Variants in DPP6 observed in about 807,000 individuals in gnomAD.
DPP6 encodes the protein A-type potassium channel modulatory protein DPP6.
A neutral mutation model predicts 122.6 loss-of-function variants in DPP6; 69 were observed. The observed-to-expected ratio is 0.56, with a 90% CI of 0.46 to 0.69. The LOEUF (loss-of-function observed/expected upper bound fraction) is 0.69, where lower values mean the gene tolerates loss of function less well. Among genes scored for constraint, DPP6 ranks in the 30% least tolerant of loss-of-function variants. The pLI, the probability that DPP6 is intolerant of heterozygous loss-of-function variation, is 0.00. For synonymous variants in DPP6, 418 were observed against 433.1 expected, an observed-to-expected ratio of 0.97 and a Z score of 0.43; for missense variants, 928 against 1,116.9, an observed-to-expected ratio of 0.83 and a Z score of 2.41.
At chr7:154,698,220 T>A (rs1033425421) in intron 7 of DPP6, among the ~76,000 whole-genome samples, 1 of 152,204 alleles carries the variant, frequency 6.6e-6, no homozygotes, top group African/African-American at 2.4e-5. Context: ...AACATAATTT[T>A]CATAGTTACA....
chr7:154,468,757 G>A (rs1486025622), intron 2 of DPP6, among the ~76,000 whole-genome samples: 1 of 152,124 alleles, frequency 6.6e-6, no homozygotes. Context: ...TGATGACTTA[G>A]TTTCTACCAT....
intron 20 of DPP6, among the ~76,000 whole-genome samples, chr7:154,879,804 G>A (rs1405720025): frequency 6.6e-6 from 1 of 152,150 alleles, no homozygotes; most frequent in Non-Finnish European, 1.5e-5. Context: ...CCTTTGCCTG[G>A]TCACTATGCT....
At chr7:154,214,926 A>G (rs1056916081) in intron 1 of DPP6, among the ~76,000 whole-genome samples, 1 of 151,980 alleles carries the variant, frequency 6.6e-6, no homozygotes, top group Non-Finnish European at 1.5e-5. Context: ...TCAAAACAAA[A>G]TATGTGTCTT....
intron 2 of DPP6, among the ~76,000 whole-genome samples, chr7:154,473,660 A>G (rs1822480670): frequency 6.6e-6 from 1 of 152,242 alleles, no homozygotes. Context: ...ATGTAATCCT[A>G]ACAGAATTTC....
At chr7:153,749,424 C>G in the DPP6 span, among the ~76,000 whole-genome samples, 1 of 152,102 alleles carries the variant, frequency 6.6e-6, no homozygotes, top group Non-Finnish European at 1.5e-5. This position sits in a 1 kb window ranked among gnomAD's most constrained non-coding sequence, Gnocchi z 4.1. Flanking sequence ...GGAGCTCTTT[C>G]CCGGGAAGCG....
the DPP6 span, among the ~76,000 whole-genome samples, chr7:153,812,049 A>ACTTCATCTCTGTTCCC: frequency 6.6e-6 from 1 of 151,956 alleles, no homozygotes; most frequent in African/African-American, 2.4e-5. Flanking sequence ...ACACACCTTG[A>ACTTCATCTCTGTTCCC]CTTCATCTCT....
intron 1 of DPP6, among the ~76,000 whole-genome samples, chr7:153,943,412 G>A (rs1801789968): frequency 6.6e-6 from 1 of 152,144 alleles, no homozygotes; most frequent in African/African-American, 2.4e-5. Flanking sequence ...CTATACCAGG[G>A]CCACTAAAGG....
the DPP6 span, among the ~76,000 whole-genome samples, chr7:153,835,939 G>C: frequency 2.0e-5 from 3 of 152,148 alleles, no homozygotes; most frequent in Admixed American, 1.3e-4. Flanking sequence ...GAGGTCTGGA[G>C]ACTCTAGGGA....
intron 1 of DPP6, among the ~76,000 whole-genome samples, chr7:153,929,905 G>T (rs1337948458): frequency 6.6e-6 from 1 of 152,158 alleles, no homozygotes; most frequent in Non-Finnish European, 1.5e-5. Flanking sequence ...GTTTTATTCT[G>T]ACATCGTGGA....
At chr7:154,207,990 T>A (rs1799540642) in intron 1 of DPP6, among the ~76,000 whole-genome samples, 1 of 152,060 alleles carries the variant, frequency 6.6e-6, no homozygotes, top group Admixed American at 6.6e-5. Flanking sequence ...TGTATTCCCG[T>A]TTTTTACATG....
intron 1 of DPP6, among the ~76,000 whole-genome samples, chr7:154,369,405 T>A (rs1390014672): frequency 1.3e-5 from 2 of 152,164 alleles, no homozygotes; most frequent in Admixed American, 1.3e-4. Context: ...TTTGCTATTG[T>A]CACCCAGGCT....
intron 1 of DPP6, among the ~76,000 whole-genome samples, chr7:153,962,773 CT>C (rs1325737897): frequency 6.6e-6 from 1 of 152,196 alleles, no homozygotes; most frequent in Non-Finnish European, 1.5e-5. Flanking sequence ...TAAGAATCAC[CT>C]TCAGACACCA....
chr7:154,634,782 C>T (rs1197839281), intron 5 of DPP6, among the ~76,000 whole-genome samples: 1 of 152,124 alleles, frequency 6.6e-6, no homozygotes, highest in South Asian at 2.1e-4. Context: ...TTCTTATGAG[C>T]ACCACTTAAA....
At position 154,653,317 on chromosome 7, in the gene DPP6, C is replaced by T. The variant is rs544060579; in HGVS notation, c.680+15444C>T. Reference sequence around the variant, plus strand: ...TGCAGAGAGCTATGATTGTGCCAATCTACTCCAGCGACAGCATGAGACCTT... The same window carrying T: ...TGCAGAGAGCTATGATTGTGCCAATTTACTCCAGCGACAGCATGAGACCTT... On this transcript the variant is annotated intron_variant, in intron 6 of 25. Coordinates refer to ENST00000377770, the MANE Select transcript of DPP6 (RefSeq NM_130797.4). Among the ~76,000 whole-genome samples, 10 of 152,272 alleles carry T rather than the reference C, an allele frequency of 6.6e-5. No individual in the cohort carries two copies. In the South Asian group the frequency reaches 2.1e-3, roughly 32 times the overall value.
chr7:153,891,971 T>C (rs899348972), intron 1 of DPP6, among the ~76,000 whole-genome samples: 14 of 152,184 alleles, frequency 9.2e-5, no homozygotes, highest in African/African-American at 3.4e-4. Context: ...TAAATGAAAG[T>C]GGCTGTCTTG....
chr7:154,590,927 A>T (rs897385243), intron 5 of DPP6, among the ~76,000 whole-genome samples: 1 of 152,200 alleles, frequency 6.6e-6, no homozygotes. Context: ...AAGGAATGAG[A>T]TGGCCACAGT....
chr7:154,539,602 G>C (rs1828551781), intron 3 of DPP6, among the ~76,000 whole-genome samples: 1 of 150,970 alleles, frequency 6.6e-6, no homozygotes, highest in African/African-American at 2.4e-5. Context: ...TGCATGTTGT[G>C]CACATGTACC....
chr7:154,400,024 G>A (rs1157911604), intron 1 of DPP6, among the ~76,000 whole-genome samples: 1 of 152,180 alleles, frequency 6.6e-6, no homozygotes, highest in Non-Finnish European at 1.5e-5. Flanking sequence ...GAGTGCAGGT[G>A]TGTGTGGGAG....
At chr7:153,956,144 G>C (rs1015831744) in intron 1 of DPP6, among the ~76,000 whole-genome samples, 2 of 152,218 alleles carry the variant, frequency 1.3e-5, no homozygotes, top group Non-Finnish European at 2.9e-5. Context: ...GTAGGAGGCA[G>C]TGAAGTTGAC....
Sources: gnomAD v4.1 joint callset for allele counts (sites outside exome capture counted in the v4.1 genomes callset) on GRCh38, gnomAD v4.1.1 for gene constraint, Gnocchi (gnomAD v3.1) non-coding constraint, MANE v1.5 for transcripts, NCBI Gene and HGNC (gene_info 2026-07-23, HGNC 2026-07-21) for gene names.